The following LRRFIP1 variants were observed in gnomAD, a reference collection of about 807,000 sequenced individuals.
LRRFIP1 encodes the protein LRR binding FLII interacting protein 1.
Under a neutral mutation model 104.4 loss-of-function variants are expected in LRRFIP1, and 62 were observed. That is an observed-to-expected ratio of 0.59 (90% CI 0.48 to 0.73). LRRFIP1 has a LOEUF of 0.73. LRRFIP1 is among the 30% of genes least tolerant of loss of function. LRRFIP1 has a pLI of 0.00. For synonymous variants in LRRFIP1, 300 were observed against 299.0 expected, an observed-to-expected ratio of 1.00 and a Z score of -0.03; for missense variants, 796 against 824.5, an observed-to-expected ratio of 0.97 and a Z score of 0.42.
intron 4 of LRRFIP1, among the ~76,000 whole-genome samples, chr2:237,718,281 C>T (rs1045706793): frequency 2.6e-5 from 4 of 152,242 alleles, no homozygotes; most frequent in Non-Finnish European, 4.4e-5. Context: ...GCTGCCCCAT[C>T]GCCCTCATTT....
intron 19 of LRRFIP1, among the ~76,000 whole-genome samples, chr2:237,761,815 T>TA (rs1331526644): frequency 2.6e-5 from 4 of 152,360 alleles, no homozygotes; most frequent in African/African-American, 9.6e-5. Context: ...TTCAGTAACA[T>TA]AGTACCATAT....
At chr2:237,773,530 T>C (rs1246795021) in intron 22 of LRRFIP1, among the ~76,000 whole-genome samples, 5 of 152,104 alleles carry the variant, frequency 3.3e-5, no homozygotes, top group Non-Finnish European at 5.9e-5. Flanking sequence ...AGCGAGACTC[T>C]GTCTCAAAAA....
At chr2:237,679,867 C>G (rs2091611468) in intron 1 of LRRFIP1, among the ~76,000 whole-genome samples, 1 of 152,188 alleles carries the variant, frequency 6.6e-6, no homozygotes, top group Non-Finnish European at 1.5e-5. Flanking sequence ...CTCGGCCTCC[C>G]AAAGTGCTGG....
intron 11 of LRRFIP1, among the ~76,000 whole-genome samples, chr2:237,743,646 CAG>C: frequency 6.6e-6 from 1 of 152,216 alleles, no homozygotes; most frequent in African/African-American, 2.4e-5. Context: ...GTTCCAGAAA[CAG>C]GGCCGTTGTA....
chr2:237,650,707 G>T (rs1312499626), intron 1 of LRRFIP1, among the ~76,000 whole-genome samples: 1 of 152,240 alleles, frequency 6.6e-6, no homozygotes, highest in Non-Finnish European at 1.5e-5. Flanking sequence ...TGGAGCCATG[G>T]GCTGCAGAGG....
chr2:237,756,056 G>A, intron 15 of LRRFIP1, 39 bp from the exon 16 acceptor site: 1 of 1,412,566 alleles, frequency 7.1e-7, no homozygotes, highest in Non-Finnish European at 1.0e-6. Context: ...CCAGAAACAT[G>A]GGATTCCACT....
chr2:237,641,112 A>G (rs1009781836), intron 1 of LRRFIP1, among the ~76,000 whole-genome samples: 3 of 151,924 alleles, frequency 2.0e-5, no homozygotes, highest in Non-Finnish European at 4.4e-5. Flanking sequence ...CTTTTAAAAA[A>G]TGGTATTCCT....
rs768964278 is a variant in LRRFIP1, at chr2:237,691,561, G to A, written c.97-16983G>A. Among the ~76,000 whole-genome samples, 6 of 152,234 alleles carry A rather than the reference G, an allele frequency of 3.9e-5. No individual in the cohort carries two copies. The highest frequency in any genetic ancestry group is 8.8e-5 in the Non-Finnish European group (6 of 68,032). On this transcript the variant is annotated intron_variant, in intron 1 of 23. Transcript: ENST00000308482. The surrounding 1 kb of genome is among the most constrained non-coding windows in gnomAD (Gnocchi z 5.4). ...CCTTCTCGGGATGCCGCGTTAGTGG[G>A]GTGCCCGGCCGGCAGGTGCAGCGGT... is the stretch of plus-strand genomic sequence containing the variant.
At chr2:237,756,046 C>T (rs768706176) in intron 15 of LRRFIP1, 49 bp from the exon 16 acceptor site, 2 of 1,313,768 alleles carry the variant, frequency 1.5e-6, no homozygotes, top group South Asian at 1.2e-5. Flanking sequence ...AACTGGCATG[C>T]CAGAAACATG....
chr2:237,772,846 C>G lies in LRRFIP1; in HGVS notation c.1628-20C>G, dbSNP rs938753398. On this transcript the variant is annotated intron_variant, in intron 21 of 23. Transcript: ENST00000308482. ...AAAGCCCAAGAGCTTAACAGATTTT[C>G]CTTCTCTTTCAACCTTTAGGGGATG... 1.1e-5 allele frequency: 17 copies of G among 1,556,994 alleles called. No homozygotes were observed. Among genetic ancestry groups the G allele is most frequent in the Non-Finnish European group, 1.5e-5 (17 of 1,129,216 alleles).
chr2:237,705,526 G>C (rs1444687045), intron 1 of LRRFIP1, among the ~76,000 whole-genome samples: 1 of 152,068 alleles, frequency 6.6e-6, no homozygotes, highest in East Asian at 1.9e-4. Context: ...AGCTGGGTGT[G>C]GTGGCACCTG....
Position 237,760,004 on chromosome 2 carries a change from A to G in LRRFIP1, c.1318-60A>G, listed in dbSNP as rs1272605545. The G allele has an allele frequency of 4.6e-6, 7 of 1,511,488 alleles. No individual in the cohort carries two copies. The Admixed American group carries it at 7.1e-5, about 15-fold the overall frequency. 93.6% of individuals were successfully genotyped at this position (1,511,488 alleles called of 1,614,324 possible). A position where few individuals can be genotyped will look rare whatever the true frequency, so the allele number is the denominator to read the frequency against. On this transcript the variant is annotated intron_variant, in intron 18 of 23. Transcript: ENST00000308482. ...GTTTTCTTTTTTATTATTGTATTAA[A>G]ACAGAGTTTAACCTAATATCACTGA...
rs1411746594 is a variant in LRRFIP1 at position 237,763,455 on chromosome 2, C to A, written c.1459+3250C>A. The A allele has an allele frequency of 2.5e-6, 4 of 1,613,230 alleles. No individual in the cohort carries two copies. In the African/African-American group the frequency reaches 5.4e-5, roughly 22 times the overall value. ...AAAAAGAAAAACAAGAAGAAAAAAT[C>A]CCCAGTACCCGTAGAAACCCTTAAA... On this transcript the variant is annotated intron_variant, in intron 19 of 23. Coordinates refer to ENST00000308482, the MANE Select transcript of LRRFIP1 (RefSeq NM_001137550.2).
intron 1 of LRRFIP1, among the ~76,000 whole-genome samples, chr2:237,665,488 A>C (rs2149493810): frequency 6.6e-6 from 1 of 152,362 alleles, no homozygotes; most frequent in Non-Finnish European, 1.5e-5. Context: ...ACAAGCCAAC[A>C]CATCTTAATT....
chr2:237,675,566 T>C (rs2091032653), intron 1 of LRRFIP1, among the ~76,000 whole-genome samples: 1 of 152,218 alleles, frequency 6.6e-6, no homozygotes, highest in South Asian at 2.1e-4. Flanking sequence ...TGGGTTTAAA[T>C]GCCTCTAGGA....
Position 237,763,224 on chromosome 2 carries a change from A to G in LRRFIP1, c.1459+3019A>G, listed in dbSNP as rs375622719. Reference sequence around the variant, plus strand: ...AGGGATCACAACGAAGAAGAGGGTGAAGAAACAGGATTAAGGGACGAGAAA... The same window carrying G: ...AGGGATCACAACGAAGAAGAGGGTGGAGAAACAGGATTAAGGGACGAGAAA... On this transcript the variant is annotated intron_variant, in intron 19 of 23. Coordinates refer to ENST00000308482, the MANE Select transcript of LRRFIP1 (RefSeq NM_001137550.2). 310 of 1,614,182 alleles carry G rather than the reference A, an allele frequency of 1.9e-4. 2 individuals are homozygous for G. The highest frequency in any genetic ancestry group is 3.3e-4 in the Middle Eastern group (2 of 6,054).
At chr2:237,759,364 C>T (rs1172261979) in intron 18 of LRRFIP1, among the ~76,000 whole-genome samples, 1 of 152,122 alleles carries the variant, frequency 6.6e-6, no homozygotes, top group Non-Finnish European at 1.5e-5. Context: ...GGTTCCTGAA[C>T]CGTCACCATC....
chr2:237,668,757 A>T (rs1311134105), intron 1 of LRRFIP1, among the ~76,000 whole-genome samples: 2 of 152,228 alleles, frequency 1.3e-5, no homozygotes, highest in Non-Finnish European at 2.9e-5. Context: ...TGAATAAATG[A>T]AGAAATCAGC....
rs1224703420 is a variant in LRRFIP1, at chr2:237,703,812, G to A, written c.97-4732G>A. The stretch of plus-strand genomic sequence containing the variant: ...GTCTCAAGCAGTGCTGAGACAGCAT[G>A]GCACGTTCACAGCACAGTGCATTCC... On this transcript the variant is annotated intron_variant, in intron 1 of 23. Coordinates refer to ENST00000308482, the MANE Select transcript of LRRFIP1 (RefSeq NM_001137550.2). The surrounding 1 kb of genome is among the most constrained non-coding windows in gnomAD (Gnocchi z 4.3). Among the ~76,000 whole-genome samples, 1 of 152,036 alleles carries A rather than the reference G, an allele frequency of 6.6e-6. No individual in the cohort carries two copies. Among genetic ancestry groups the A allele is most frequent in the Non-Finnish European group, 1.5e-5 (1 of 67,996 alleles).
Sources: gnomAD v4.1 joint callset for allele counts (sites outside exome capture counted in the v4.1 genomes callset) on GRCh38, gnomAD v4.1.1 for gene constraint, Gnocchi (gnomAD v3.1) non-coding constraint, MANE v1.5 for transcripts, NCBI Gene and HGNC (gene_info 2026-07-23, HGNC 2026-07-21) for gene names.